The following PUDP variants were observed in gnomAD, a reference collection of about 807,000 sequenced individuals.
PUDP encodes the protein pseudouridine 5'-phosphatase, also known as pseudouridine-5'-phosphatase.
Under a neutral mutation model 9.4 loss-of-function variants are expected in PUDP, and 8 were observed. The ratio of observed to expected loss-of-function variants is 0.85; its 90% CI spans 0.50 to 1.53. PUDP has a LOEUF of 1.53. Among genes scored for constraint, PUDP ranks in the 40% most tolerant of loss-of-function variants. The pLI is 0.00. For missense variants in PUDP, 188 were observed against 189.7 expected (o/e 0.99, Z 0.05); for synonymous variants, 99 against 80.7 (o/e 1.23, Z -1.22).
chrX:6,856,119 G>C (rs762949575), intron 3 of PUDP, among the ~76,000 whole-genome samples: 7 of 110,974 alleles, frequency 6.3e-5, no homozygotes, highest in Non-Finnish European at 1.1e-4. Context: ...TTGCTCTTAC[G>C]TGCATGTGAA....
chrX:6,876,852 CAT>C (rs749717876), intron 3 of PUDP, among the ~76,000 whole-genome samples: 19 of 108,629 alleles, frequency 1.7e-4, no homozygotes, highest in East Asian at 5.8e-4. Flanking sequence ...TACATATAGA[CAT>C]ATGTGTATAC....
intron 3 of PUDP, among the ~76,000 whole-genome samples, chrX:6,926,018 G>C (rs1055773670): frequency 1.8e-5 from 2 of 111,441 alleles, no homozygotes; most frequent in Non-Finnish European, 3.8e-5. Context: ...CTGGTCACTT[G>C]TGCCTAAGCC....
chrX:6,774,411 T>C (rs1925416172), intron 3 of PUDP, among the ~76,000 whole-genome samples: 1 of 111,991 alleles, frequency 8.9e-6, no homozygotes, highest in Non-Finnish European at 1.9e-5. Flanking sequence ...TATGACTATG[T>C]TTTAACTTTC....
chrX:7,003,467 A>ATATTTTGC (rs1929357513), intron 1 of PUDP, among the ~76,000 whole-genome samples: 1 of 111,653 alleles, frequency 9.0e-6, no homozygotes, highest in Admixed American at 9.5e-5. Flanking sequence ...AGTTAGTATA[A>ATATTTTGC]AACAACACTT....
chrX:6,912,116 C>G lies in PUDP; in HGVS notation c.*247+65017G>C, dbSNP rs747715542. ...TTGTTTTAGATTTTCCTAGACGGTT[C>G]CTTTTATGTTAAGTAATGGTCTGTC... On this transcript the variant is annotated intron_variant and NMD_transcript_variant, in intron 3 of 3. Coordinates refer to the PUDP transcript ENST00000655425. Among the ~76,000 whole-genome samples, 3 of 111,509 alleles carry G rather than the reference C, an allele frequency of 2.7e-5. No individual in the cohort carries two copies. In the South Asian group the frequency reaches 1.1e-3, roughly 42 times the overall value.
At chrX:6,753,688 G>A (rs1008626426) in intron 3 of PUDP, among the ~76,000 whole-genome samples, 37 of 111,465 alleles carry the variant, frequency 3.3e-4, no homozygotes, top group African/African-American at 4.9e-4. Flanking sequence ...AGGTGTTATC[G>A]CATTGTGGTT....
intron 2 of PUDP, among the ~76,000 whole-genome samples, chrX:7,082,042 C>CT (rs1186080804): frequency 1.8e-5 from 2 of 112,503 alleles, no homozygotes; most frequent in Non-Finnish European, 3.8e-5. Flanking sequence ...GAGTTCTGTT[C>CT]TAGGGAGAAG....
At chrX:7,122,208 C>A (rs947816406) in intron 1 of PUDP, among the ~76,000 whole-genome samples, 11 of 70,499 alleles carry the variant, frequency 1.6e-4, no homozygotes, top group South Asian at 9.0e-4. Context: ...AAAAAAAAAA[C>A]CCATATATGT....
At chrX:6,902,063 TGGC>T (rs1043296554) in intron 3 of PUDP, among the ~76,000 whole-genome samples, 44 of 110,274 alleles carry the variant, frequency 4.0e-4, no homozygotes, top group African/African-American at 1.4e-3. Flanking sequence ...TTTGTAAAGA[TGGC>T]GGGGGGCGGG....
At chrX:6,912,034 T>C in intron 3 of PUDP, among the ~76,000 whole-genome samples, 1 of 112,011 alleles carries the variant, frequency 8.9e-6, no homozygotes, top group Admixed American at 9.5e-5. Context: ...TTAATTCTGT[T>C]ACTTTTTCAC....
chrX:7,045,497 T>C (rs760356995), downstream of PUDP, among the ~76,000 whole-genome samples: 98 of 111,932 alleles, frequency 8.8e-4, no homozygotes, highest in African/African-American at 3.1e-3. Flanking sequence ...TCCAGGTGCA[T>C]ATGCTCAGAT....
In PUDP at chrX:6,885,666, G is replaced by A. The variant is rs775507647; in HGVS notation, c.*247+91467C>T. Among the ~76,000 whole-genome samples the A allele has an allele frequency of 1.1e-4, 12 of 112,005 alleles. No individual in the cohort carries two copies. In the South Asian group the frequency reaches 3.0e-3, roughly 28 times the overall value. On this transcript the variant is annotated intron_variant and NMD_transcript_variant, in intron 3 of 3. Coordinates refer to the PUDP transcript ENST00000655425. ...GTCTGTGCTATTTCCACACTATATC[G>A]GCAGTGAGTAGTGAAGACAGCAGCT...
chrX:6,987,890 CAT>C (rs200560940), intron 1 of PUDP, among the ~76,000 whole-genome samples: 3,235 of 111,956 alleles, frequency 0.029, 48 homozygotes, highest in South Asian at 0.075. Flanking sequence ...TATGTCTGGT[CAT>C]ATGTGATTTC....
intron 3 of PUDP, among the ~76,000 whole-genome samples, chrX:6,822,479 T>G (rs1926357110): frequency 8.9e-6 from 1 of 112,027 alleles, no homozygotes. Flanking sequence ...CAGGCTGGAG[T>G]GCAGTGGCGC....
intron 3 of PUDP, among the ~76,000 whole-genome samples, chrX:6,729,388 T>G (rs1924782416): frequency 8.9e-6 from 1 of 112,290 alleles, no homozygotes; most frequent in Admixed American, 9.4e-5. Context: ...ATACGTTGAC[T>G]GATGTCTCAT....
At chrX:6,730,952 A>G (rs1037682442) in intron 3 of PUDP, among the ~76,000 whole-genome samples, 1 of 112,560 alleles carries the variant, frequency 8.9e-6, no homozygotes, top group African/African-American at 3.2e-5. Flanking sequence ...AATTTCCAAT[A>G]GAGAACATCA....
At chrX:7,141,395 C>T (rs1175054468) in intron 1 of PUDP, among the ~76,000 whole-genome samples, 2 of 113,216 alleles carry the variant, frequency 1.8e-5, no homozygotes, top group East Asian at 5.6e-4. Context: ...CAAACCAGCA[C>T]AACATTCCCT....
chrX:7,073,737 T>A (rs1220522855), intron 3 of PUDP, among the ~76,000 whole-genome samples: 1 of 113,099 alleles, frequency 8.8e-6, no homozygotes, highest in African/African-American at 3.2e-5. Flanking sequence ...CCACAATGTG[T>A]CACTGTCTCT....
rs915734853 is a variant in PUDP, at chrX:6,747,807, A to G, written c.*248-41341T>C. ...AGGGGTTTTTTCTCAGTAATTGTCCAGAGTTTAAATAAAAGAATAGTAGTG... is the reference window on the plus strand; with the variant it reads ...AGGGGTTTTTTCTCAGTAATTGTCCGGAGTTTAAATAAAAGAATAGTAGTG... On this transcript the variant is annotated intron_variant and NMD_transcript_variant, in intron 3 of 3. Transcript: ENST00000655425. Among the ~76,000 whole-genome samples, 8 of 108,286 alleles carry G rather than the reference A, an allele frequency of 7.4e-5. No individual in the cohort carries two copies. In the East Asian group the frequency reaches 2.2e-3, roughly 30 times the overall value. 94.0% of individuals were successfully genotyped at this position (108,286 alleles called of 115,157 possible).
Sources: gnomAD v4.1 joint callset for allele counts (sites outside exome capture counted in the v4.1 genomes callset) on GRCh38, gnomAD v4.1.1 for gene constraint, MANE v1.5 for transcripts, NCBI Gene and HGNC (gene_info 2026-07-23, HGNC 2026-07-21) for gene names.